SIRPG: variants seen among roughly 807,000 people sequenced by gnomAD.
The protein encoded by SIRPG is signal regulatory protein gamma.
Under a neutral mutation model 35.7 loss-of-function variants are expected in SIRPG, and 38 were observed. The ratio of observed to expected loss-of-function variants is 1.06; its 90% CI spans 0.82 to 1.40. SIRPG has a LOEUF of 1.40. Among genes scored for constraint, SIRPG ranks in the 40% most tolerant of loss-of-function variants. The pLI is 0.00. For missense variants in SIRPG, 519 were observed against 483.0 expected (o/e 1.07, Z -0.70); for synonymous variants, 215 against 190.4 (o/e 1.13, Z -1.06).
chr20:1,634,753 AT>A (rs2091779078), intron 4 of SIRPG, among the ~76,000 whole-genome samples: 2 of 151,906 alleles, frequency 1.3e-5, no homozygotes, highest in Non-Finnish European at 2.9e-5. Context: ...TTAAATATAT[AT>A]TTATGTACGC....
rs141839021 is a variant in SIRPG, at chr20:1,654,791, A to G, written c.73+2851T>C. ...AACATTTGCAAACCATACATCTGAT[A>G]AGGAGTCAGTATACAAAATATATAA... On this transcript the variant is annotated intron_variant, in intron 1 of 5. Transcript: ENST00000303415. Among the ~76,000 whole-genome samples the G allele has an allele frequency of 1.4e-4, 22 of 152,352 alleles. No homozygotes were observed. The East Asian group carries it at 3.5e-3, about 24-fold the overall frequency.
the SIRPG span, among the ~76,000 whole-genome samples, chr20:1,669,482 A>T: frequency 6.6e-6 from 1 of 152,246 alleles, no homozygotes; most frequent in Non-Finnish European, 1.5e-5. Context: ...GGCCTGGTCC[A>T]GTCTTAAATG....
upstream of SIRPG, chr20:1,657,795 G>A: frequency 4.7e-6 from 6 of 1,284,524 alleles, no homozygotes; most frequent in South Asian, 7.9e-5. Context: ...CAGAAGACAA[G>A]CCCTGCCTCC....
the SIRPG span, chr20:1,670,110 T>C: frequency 8.0e-6 from 2 of 250,936 alleles, no homozygotes; most frequent in East Asian, 2.1e-4. Context: ...GCTGTTTCTA[T>C]CTGGGACACA....
chr20:1,650,295 T>C (rs2091932924), intron 1 of SIRPG, among the ~76,000 whole-genome samples: 1 of 151,864 alleles, frequency 6.6e-6, no homozygotes, highest in Non-Finnish European at 1.5e-5. Flanking sequence ...CTAGACCCAG[T>C]ATTAAAACCA....
upstream of SIRPG, among the ~76,000 whole-genome samples, chr20:1,661,585 A>G (rs936488617): frequency 2.9e-4 from 44 of 152,152 alleles, no homozygotes; most frequent in African/African-American, 9.4e-4. Context: ...AGGGATGGAC[A>G]TTGCCTGCCC....
At chr20:1,662,779 G>A (rs1049155593), upstream of SIRPG, among the ~76,000 whole-genome samples, 11 of 152,120 alleles carry the variant, frequency 7.2e-5, no homozygotes, top group Non-Finnish European at 1.6e-4. Flanking sequence ...GTGAGGACAT[G>A]CAAAATAAGT....
At chr20:1,642,901 C>A (rs1360074281) in intron 2 of SIRPG, among the ~76,000 whole-genome samples, 1 of 152,180 alleles carries the variant, frequency 6.6e-6, no homozygotes, top group Non-Finnish European at 1.5e-5. Context: ...TTGGCCCCCA[C>A]TCTCTCCTGG....
At chr20:1,649,543 A>G (rs2091923977) in intron 1 of SIRPG, 135 bp from the exon 2 acceptor site, 1 of 721,480 alleles carries the variant, frequency 1.4e-6, no homozygotes, top group Non-Finnish European at 2.3e-6. Context: ...CACTGCATGT[A>G]TTATCTCATT....
At chr20:1,669,278 T>A in the SIRPG span, among the ~76,000 whole-genome samples, 1 of 152,256 alleles carries the variant, frequency 6.6e-6, no homozygotes, top group Non-Finnish European at 1.5e-5. Context: ...ACATCTCTCA[T>A]TGTTCCTCAA....
intron 2 of SIRPG, among the ~76,000 whole-genome samples, chr20:1,644,512 C>A (rs1043607088): frequency 1.3e-5 from 2 of 152,198 alleles, no homozygotes; most frequent in Non-Finnish European, 2.9e-5. Context: ...AGTCCCAATG[C>A]TGGCTGCCGC....
At chr20:1,630,916 A>T (rs1370725122) in intron 4 of SIRPG, 1 of 152,214 alleles carries the variant, frequency 6.6e-6, no homozygotes, top group African/African-American at 2.4e-5. Context: ...GGAACACTGG[A>T]CATAATGAAA....
Position 1,635,342 on chromosome 20 carries a change from G to T in SIRPG, c.1006C>A (p.Gln336Lys). 6.2e-7 allele frequency: 1 copy of T among 1,614,206 alleles called. No individual in the cohort carries two copies. Among genetic ancestry groups the T allele is most frequent in the Non-Finnish European group, 8.5e-7 (1 of 1,180,030 alleles). ...GCAAGGCGTTTGCTGACCGCCAGCT[G>T]CCCATCATGCTTCACCTGGCAGGTG... is the stretch of plus-strand genomic sequence containing the variant. ...VLTCQVKHDGQLAVSKRLALE... is the reference protein window; with the variant it reads ...VLTCQVKHDGKLAVSKRLALE... Residue 336 changes from glutamine (Q) to lysine (K), a missense_variant, in exon 4 of 6, where the codon CAG becomes AAG. By Grantham distance (53) the Gln-to-Lys change is moderately conservative. Coordinates refer to ENST00000303415, the MANE Select transcript of SIRPG (RefSeq NM_018556.4).
At chr20:1,675,796 A>G in the SIRPG span, among the ~76,000 whole-genome samples, 1 of 152,260 alleles carries the variant, frequency 6.6e-6, no homozygotes, top group Non-Finnish European at 1.5e-5. Flanking sequence ...TTTCACAATG[A>G]AAATCAGTCA....
intron 1 of SIRPG, among the ~76,000 whole-genome samples, chr20:1,653,366 G>C (rs549637016): frequency 6.6e-6 from 1 of 152,170 alleles, no homozygotes; most frequent in African/African-American, 2.4e-5. Flanking sequence ...AAAGAGGTAA[G>C]GCATTTTCAA....
chr20:1,681,007 A>G, the SIRPG span, among the ~76,000 whole-genome samples: 1 of 152,242 alleles, frequency 6.6e-6, no homozygotes, highest in Non-Finnish European at 1.5e-5. Flanking sequence ...GTCCTGGAAC[A>G]TAGTAGATAT....
intron 4 of SIRPG, among the ~76,000 whole-genome samples, chr20:1,633,169 A>T (rs555919121): frequency 6.6e-6 from 1 of 152,200 alleles, no homozygotes; most frequent in Non-Finnish European, 1.5e-5. Flanking sequence ...AAATTCTTCA[A>T]AAGGCACGAG....
the SIRPG span, among the ~76,000 whole-genome samples, chr20:1,663,904 C>G: frequency 1.3e-5 from 2 of 152,136 alleles, no homozygotes; most frequent in East Asian, 3.9e-4. Flanking sequence ...TAAAGAAATA[C>G]CTGAGGCTGG....
the SIRPG span, among the ~76,000 whole-genome samples, chr20:1,676,270 C>G: frequency 1.3e-5 from 2 of 152,188 alleles, no homozygotes; most frequent in Non-Finnish European, 2.9e-5. Flanking sequence ...CACACACACC[C>G]TCTGACCTAG....
Sources: allele counts gnomAD v4.1 joint callset (sites outside exome capture counted in the v4.1 genomes callset), GRCh38; gene constraint gnomAD v4.1.1; transcripts MANE v1.5; gene names NCBI Gene and HGNC (gene_info 2026-07-23, HGNC 2026-07-21).